NSRP1: variants seen among roughly 807,000 people sequenced by gnomAD.
NSRP1 encodes the protein nuclear speckle splicing regulatory protein 1, also known as coiled-coil domain containing 55.
Under a neutral mutation model 54.7 loss-of-function variants are expected in NSRP1, and 24 were observed. The ratio of observed to expected loss-of-function variants is 0.44; its 90% confidence interval spans 0.32 to 0.62. The LOEUF is 0.62. Ranked by LOEUF, NSRP1 falls within the 20% of genes least tolerant of loss-of-function variation. The pLI is 0.06. For synonymous variants in NSRP1, 210 were observed against 213.8 expected (o/e 0.98, Z 0.15); for missense variants, 596 against 651.2 (o/e 0.92, Z 0.92).
intron 2 of NSRP1, among the ~76,000 whole-genome samples, chr17:30,120,908 G>T (rs1224443877): frequency 6.6e-6 from 1 of 152,172 alleles, no homozygotes; most frequent in Non-Finnish European, 1.5e-5. Flanking sequence ...AGAATGAAAT[G>T]ATTCACTTTG....
At chr17:30,171,934 T>TCACACACACACA (rs746244255) in intron 2 of NSRP1, among the ~76,000 whole-genome samples, 25 of 113,418 alleles carry the variant, frequency 2.2e-4, no homozygotes, top group African/African-American at 5.1e-4. Context: ...TCCCCATTTC[T>TCACACACACACA]CACACACACA....
At chr17:30,156,110 G>A (rs2071959211) in intron 2 of NSRP1, among the ~76,000 whole-genome samples, 1 of 151,822 alleles carries the variant, frequency 6.6e-6, no homozygotes, top group South Asian at 2.1e-4. Flanking sequence ...AAAGTGCTGG[G>A]ATTACAGGCG....
rs144364728 is a variant in NSRP1 at position 30,120,664 on chromosome 17, G to A, written c.114+2491G>A. On this transcript the variant is annotated intron_variant, in intron 2 of 6. Transcript: ENST00000247026. ...GGAAACTAATATACTGAGGATTCCT[G>A]TGTGCTCATTATACTTTATTTGATC... Among the ~76,000 whole-genome samples the A allele has an allele frequency of 3.9e-3, 596 of 152,254 alleles. 4 individuals are homozygous for A. The highest frequency in any genetic ancestry group is 0.013 in the African/African-American group (547 of 41,556).
At position 30,184,924 on chromosome 17, in the gene NSRP1, G is replaced by A. The variant is rs759872755; in HGVS notation, c.927G>A (p.Thr309=). 29 of 1,613,992 alleles carry A rather than the reference G, an allele frequency of 1.8e-5. No individual in the cohort carries two copies. The African/African-American group carries it at 1.9e-4, about 10-fold the overall frequency. Residue 309 remains threonine, a synonymous_variant, in exon 7 of 7, where the codon ACG becomes ACA. Coordinates refer to ENST00000247026, the MANE Select transcript of NSRP1 (RefSeq NM_032141.4). ...GGCACCACACGAAAGGATCACGAAC[G>A]TCGAGAGGACATGAGAAAAGGGAAG... ...STRHHTKGSR[T]SRGHEKREDQ...
chr17:30,135,259 C>T (rs1246921696), intron 2 of NSRP1, among the ~76,000 whole-genome samples: 1 of 152,018 alleles, frequency 6.6e-6, no homozygotes, highest in East Asian at 1.9e-4. Context: ...GCTGGGACTA[C>T]AGGCACGTGC....
intron 2 of NSRP1, chr17:30,168,899 A>T (rs1466202282): frequency 6.6e-6 from 1 of 152,042 alleles, no homozygotes; most frequent in Non-Finnish European, 1.5e-5. Flanking sequence ...CCTTCAAAAG[A>T]TCATCAGTTT....
At chr17:30,126,446 C>T (rs564000415) in intron 2 of NSRP1, among the ~76,000 whole-genome samples, 13 of 152,184 alleles carry the variant, frequency 8.5e-5, no homozygotes, top group Non-Finnish European at 1.0e-4. Context: ...TGGAAAGAAT[C>T]TCTTCCTTTT....
chr17:30,118,889 C>T (rs1469328519), intron 2 of NSRP1, among the ~76,000 whole-genome samples: 2 of 151,892 alleles, frequency 1.3e-5, no homozygotes, highest in Non-Finnish European at 2.9e-5. Flanking sequence ...GCTGGGATTA[C>T]AGGCACCTGC....
intron 2 of NSRP1, among the ~76,000 whole-genome samples, chr17:30,145,923 C>G (rs1172444110): frequency 6.6e-6 from 1 of 152,170 alleles, no homozygotes; most frequent in Non-Finnish European, 1.5e-5. Flanking sequence ...GACCATGGCT[C>G]ACTGCAGCCT....
intron 2 of NSRP1, chr17:30,150,521 T>G (rs1351722726): frequency 1.3e-5 from 2 of 151,990 alleles, no homozygotes; most frequent in African/African-American, 4.8e-5. Context: ...TAGCTGGGAC[T>G]ATAGGCGTCC....
intron 6 of NSRP1, among the ~76,000 whole-genome samples, chr17:30,181,784 A>G (rs1346916855): frequency 6.6e-6 from 1 of 151,626 alleles, no homozygotes; most frequent in Non-Finnish European, 1.5e-5. Context: ...TAATCTTTGT[A>G]TTTTTAGTAG....
chr17:30,181,890 A>G (rs4795537), intron 6 of NSRP1, among the ~76,000 whole-genome samples: 75,915 of 151,522 alleles, frequency 0.5, 19,552 homozygotes, highest in East Asian at 0.82. Flanking sequence ...GATTATATGC[A>G]TGAGCCACCA....
chr17:30,145,309 G>A (rs1342109546), intron 2 of NSRP1, among the ~76,000 whole-genome samples: 2 of 116,976 alleles, frequency 1.7e-5, no homozygotes, highest in African/African-American at 3.2e-5. Context: ...AAGGCCGGGC[G>A]CAGTGGCTCA....
intron 2 of NSRP1, among the ~76,000 whole-genome samples, chr17:30,165,738 A>G (rs1336041261): frequency 6.6e-6 from 1 of 152,230 alleles, no homozygotes; most frequent in East Asian, 1.9e-4. Flanking sequence ...CCCATGGCTA[A>G]TTAAGGATTC....
intron 2 of NSRP1, among the ~76,000 whole-genome samples, chr17:30,133,189 G>A (rs184334898): frequency 5.4e-5 from 8 of 148,416 alleles, no homozygotes; most frequent in African/African-American, 1.2e-4. Context: ...CTGAGCTCAA[G>A]CAATCTACCT....
intron 2 of NSRP1, among the ~76,000 whole-genome samples, chr17:30,155,707 CT>C (rs1167223405): frequency 6.6e-6 from 1 of 152,018 alleles, no homozygotes; most frequent in Non-Finnish European, 1.5e-5. Context: ...CATCGTGTGG[CT>C]TTTTTCTTTT....
intron 2 of NSRP1, among the ~76,000 whole-genome samples, chr17:30,160,740 G>C (rs547764163): frequency 4.6e-5 from 7 of 152,226 alleles, no homozygotes; most frequent in Admixed American, 1.3e-4. Context: ...CATCATTCTT[G>C]ATCATCTGGT....
intron 2 of NSRP1, among the ~76,000 whole-genome samples, chr17:30,128,919 G>GTT (rs80161788): frequency 1.4e-5 from 2 of 138,864 alleles, no homozygotes; most frequent in Admixed American, 7.2e-5. Flanking sequence ...TGGTTTTTTT[G>GTT]TTTTTTTTTT....
chr17:30,159,532 TC>T (rs940386181), intron 2 of NSRP1, among the ~76,000 whole-genome samples: 5 of 152,222 alleles, frequency 3.3e-5, no homozygotes, highest in African/African-American at 1.2e-4. Context: ...AAAGTGGGCA[TC>T]CTTGTCTAGT....
Sources: gnomAD v4.1 joint callset for allele counts (sites outside exome capture counted in the v4.1 genomes callset) on GRCh38, gnomAD v4.1.1 for gene constraint, MANE v1.5 for transcripts, NCBI Gene and HGNC (gene_info 2026-07-23, HGNC 2026-07-21) for gene names.